Variants in SLC25A26 observed in about 807,000 individuals in gnomAD.
SLC25A26 encodes mitochondrial S-adenosylmethionine carrier protein.
A neutral mutation model predicts 37.8 loss-of-function variants in SLC25A26; 36 were observed. The ratio of observed to expected loss-of-function variants is 0.95; its 90% confidence interval spans 0.73 to 1.26. The LOEUF is 1.26. Ranked by LOEUF, SLC25A26 falls within the 50% of genes most tolerant of loss-of-function variation. The probability of loss-of-function intolerance (pLI) is 0.00; values close to 1 mark genes in which losing one functional copy is unlikely to be tolerated. For missense variants in SLC25A26, 390 were observed against 331.1 expected, an observed-to-expected ratio of 1.18 and a Z score of -1.38; for synonymous variants, 129 against 122.5, an observed-to-expected ratio of 1.05 and a Z score of -0.35.
chr3:66,217,886 T>A (rs1387579609), upstream of SLC25A26, among the ~76,000 whole-genome samples: 2 of 152,202 alleles, frequency 1.3e-5, no homozygotes, highest in Admixed American at 6.5e-5. Flanking sequence ...CCATTCTAAT[T>A]GTGCAAGTCA....
At chr3:66,359,844 C>T (rs939498983) in intron 6 of SLC25A26, among the ~76,000 whole-genome samples, 1 of 152,130 alleles carries the variant, frequency 6.6e-6, no homozygotes, top group East Asian at 1.9e-4. Flanking sequence ...CTTTAGAAAC[C>T]AGTCTCTAAT....
intron 1 of SLC25A26, among the ~76,000 whole-genome samples, chr3:66,149,398 C>T (rs531962470): frequency 3.3e-5 from 5 of 152,234 alleles, no homozygotes; most frequent in African/African-American, 9.6e-5. Flanking sequence ...ACCCTAGCAG[C>T]CAGAAGCTAG....
Position 66,378,360 on chromosome 3 carries a change from A to G in SLC25A26, c.*553A>G, listed in dbSNP as rs1445053311. ...CTGGGTAACTAGGCTGCTGGTTTTAATTACCCTCAGATTTCACCCATAAAA... is the reference window on the plus strand; with the variant it reads ...CTGGGTAACTAGGCTGCTGGTTTTAGTTACCCTCAGATTTCACCCATAAAA... On this transcript the variant is annotated 3_prime_UTR_variant, in exon 10 of 10. Coordinates refer to ENST00000354883, the MANE Select transcript of SLC25A26 (RefSeq NM_001379210.1). 1 of 152,784 alleles carries G rather than the reference A, an allele frequency of 6.5e-6. No homozygotes were observed. The highest frequency in any genetic ancestry group is 1.5e-5 in the Non-Finnish European group (1 of 68,162). The allele number at this position is 152,784 out of a possible 1,614,324, so 9.5% of individuals were successfully genotyped here.
At chr3:66,362,338 G>C (rs979189080) in intron 6 of SLC25A26, among the ~76,000 whole-genome samples, 1 of 152,176 alleles carries the variant, frequency 6.6e-6, no homozygotes, top group Non-Finnish European at 1.5e-5. Context: ...CCATACAACA[G>C]AATATTACTA....
intron 5 of SLC25A26, among the ~76,000 whole-genome samples, chr3:66,263,825 A>G (rs914438276): frequency 6.6e-6 from 1 of 151,884 alleles, no homozygotes; most frequent in Non-Finnish European, 1.5e-5. Flanking sequence ...CGCCCAGTTG[A>G]TTTTTTGTAT....
At chr3:66,326,127 A>G (rs532492799) in intron 5 of SLC25A26, among the ~76,000 whole-genome samples, 13 of 152,310 alleles carry the variant, frequency 8.5e-5, no homozygotes, top group African/African-American at 3.1e-4. Context: ...TAGTGGCCAT[A>G]TTGGCTGAGC....
At chr3:66,210,989 T>C (rs2071277739) in intron 1 of SLC25A26, among the ~76,000 whole-genome samples, 1 of 152,188 alleles carries the variant, frequency 6.6e-6, no homozygotes. Flanking sequence ...TAAAAATTAA[T>C]AGAGGCTGTG....
At chr3:66,301,474 G>T (rs1243397266) in intron 5 of SLC25A26, among the ~76,000 whole-genome samples, 1 of 152,196 alleles carries the variant, frequency 6.6e-6, no homozygotes, top group African/African-American at 2.4e-5. Flanking sequence ...ATGCCGGAGA[G>T]TGTGACTTCT....
At chr3:66,341,786 C>G (rs1041813414) in intron 5 of SLC25A26, among the ~76,000 whole-genome samples, 7 of 152,030 alleles carry the variant, frequency 4.6e-5, no homozygotes, top group African/African-American at 1.7e-4. Context: ...GGTATATGCT[C>G]TTTTCTTTAT....
rs546673282 is a variant in SLC25A26, at chr3:66,324,904, T to C, written c.454-21460T>C. ...TTTATAGTTGGGGGCCTACAAATTATAGCGACAAAAGACAGAGTAGCAAGA... is the reference window on the plus strand; with the variant it reads ...TTTATAGTTGGGGGCCTACAAATTACAGCGACAAAAGACAGAGTAGCAAGA... On this transcript the variant is annotated intron_variant, in intron 5 of 9. Coordinates refer to ENST00000354883, the MANE Select transcript of SLC25A26 (RefSeq NM_001379210.1). Among the ~76,000 whole-genome samples, 17 of 152,248 alleles carry C rather than the reference T, an allele frequency of 1.1e-4. No individual in the cohort carries two copies. The East Asian group carries it at 2.9e-3, about 26-fold the overall frequency.
chr3:66,296,417 T>C (rs1382004081), intron 5 of SLC25A26, among the ~76,000 whole-genome samples: 2 of 152,230 alleles, frequency 1.3e-5, no homozygotes, highest in African/African-American at 4.8e-5. Flanking sequence ...TATACATGCA[T>C]TTGCTTTATT....
chr3:66,348,641 A>C (rs989373639), intron 6 of SLC25A26, among the ~76,000 whole-genome samples: 2 of 152,232 alleles, frequency 1.3e-5, no homozygotes, highest in Non-Finnish European at 2.9e-5. Flanking sequence ...TGAGGTATAT[A>C]CTAAAGGATA....
chr3:66,300,070 C>A (rs2075027423), intron 5 of SLC25A26, among the ~76,000 whole-genome samples: 1 of 152,144 alleles, frequency 6.6e-6, no homozygotes, highest in Admixed American at 6.5e-5. Context: ...CTTTTAAAGT[C>A]TTTGAAGCTT....
intron 5 of SLC25A26, among the ~76,000 whole-genome samples, chr3:66,302,413 C>T (rs745913678): frequency 2.6e-5 from 4 of 152,180 alleles, no homozygotes; most frequent in African/African-American, 9.7e-5. Flanking sequence ...AACAGAGTAG[C>T]GGCTGCTTGT....
intron 5 of SLC25A26, among the ~76,000 whole-genome samples, chr3:66,276,307 G>A (rs1196852731): frequency 6.6e-6 from 1 of 152,088 alleles, no homozygotes; most frequent in Non-Finnish European, 1.5e-5. Flanking sequence ...GGTCAAGTTT[G>A]TATAATTCCA....
chr3:66,264,477 C>G (rs1011064187), intron 5 of SLC25A26, among the ~76,000 whole-genome samples: 1 of 152,182 alleles, frequency 6.6e-6, no homozygotes, highest in Non-Finnish European at 1.5e-5. Context: ...AGGTGAGCAG[C>G]AGGTGAGTGA....
intron 1 of SLC25A26, among the ~76,000 whole-genome samples, chr3:66,230,146 C>T (rs1286126207): frequency 1.3e-5 from 2 of 148,160 alleles, no homozygotes; most frequent in Non-Finnish European, 3.0e-5. Context: ...TTTAGCACCC[C>T]TGCTATATAA....
At chr3:66,167,508 G>C (rs1035405664) in intron 1 of SLC25A26, among the ~76,000 whole-genome samples, 1 of 152,166 alleles carries the variant, frequency 6.6e-6, no homozygotes, top group Non-Finnish European at 1.5e-5. Flanking sequence ...TCCCTTTTAT[G>C]CTTATGCAGG....
chr3:66,250,824 T>G (rs1479205603), intron 3 of SLC25A26, among the ~76,000 whole-genome samples: 1 of 152,154 alleles, frequency 6.6e-6, no homozygotes, highest in East Asian at 1.9e-4. Context: ...GCATTTAATT[T>G]AATTCATTAA....
Sources: allele counts gnomAD v4.1 joint callset (sites outside exome capture counted in the v4.1 genomes callset), GRCh38; gene constraint gnomAD v4.1.1; transcripts MANE v1.5; gene names NCBI Gene and HGNC (gene_info 2026-07-23, HGNC 2026-07-21).